Variants in ADAMTS17 observed in about 807,000 individuals in gnomAD.
ADAMTS17 encodes the protein ADAM metallopeptidase with thrombospondin type 1 motif 17, also known as A disintegrin and metalloproteinase with thrombospondin motifs 17.
Under a neutral mutation model 141.5 loss-of-function variants are expected in ADAMTS17, and 113 were observed. That is an observed-to-expected ratio of 0.80 (90% CI 0.69 to 0.93). The LOEUF (loss-of-function observed/expected upper bound fraction) is 0.93. ADAMTS17 is among the 40% of genes least tolerant of loss of function. The pLI, the probability that ADAMTS17 is intolerant of heterozygous loss-of-function variation, is 0.00. For synonymous variants in ADAMTS17, 768 were observed against 630.6 expected, an observed-to-expected ratio of 1.22 and a Z score of -3.27; for missense variants, 1,659 against 1,517.9, an observed-to-expected ratio of 1.09 and a Z score of -1.54.
chr15:100,107,207 T>C (rs1235570609), intron 14 of ADAMTS17, among the ~76,000 whole-genome samples: 1 of 152,180 alleles, frequency 6.6e-6, no homozygotes, highest in East Asian at 1.9e-4. Flanking sequence ...TCTTGTTCTG[T>C]TTGTCACGCA....
intron 4 of ADAMTS17, 109 bp downstream of exon 4, chr15:100,281,120 A>T: frequency 1.3e-6 from 2 of 1,481,622 alleles, no homozygotes; most frequent in Non-Finnish European, 9.2e-7. Flanking sequence ...CGTATCCCCA[A>T]CCCAGCGTCT....
intron 7 of ADAMTS17, among the ~76,000 whole-genome samples, chr15:100,227,029 G>A (rs2042331889): frequency 6.6e-6 from 1 of 152,166 alleles, no homozygotes; most frequent in Non-Finnish European, 1.5e-5. Flanking sequence ...AAGAAAAGCA[G>A]TAGCTGTTCC....
intron 3 of ADAMTS17, among the ~76,000 whole-genome samples, chr15:100,326,849 A>G (rs2045915685): frequency 6.6e-6 from 1 of 152,210 alleles, no homozygotes; most frequent in Non-Finnish European, 1.5e-5. Flanking sequence ...TGGTCACCCT[A>G]AGCGGAGCCA....
At chr15:100,210,187 T>A (rs1447116635) in intron 7 of ADAMTS17, among the ~76,000 whole-genome samples, 1 of 124,400 alleles carries the variant, frequency 8.0e-6, no homozygotes. Flanking sequence ...GCCGAGATCG[T>A]GCCACTGCAC....
chr15:100,170,960 G>A (rs1019966484), intron 8 of ADAMTS17, among the ~76,000 whole-genome samples: 1 of 152,210 alleles, frequency 6.6e-6, no homozygotes, highest in South Asian at 2.1e-4. Flanking sequence ...GCTATCAAGG[G>A]TTGTGAGATG....
intron 18 of ADAMTS17, among the ~76,000 whole-genome samples, chr15:100,008,262 G>A (rs1315281397): frequency 6.6e-6 from 1 of 152,110 alleles, no homozygotes; most frequent in African/African-American, 2.4e-5. Context: ...GTGGGGGCCT[G>A]TGAGCCTCTG....
At chr15:100,094,099 A>G (rs1226394750) in intron 15 of ADAMTS17, among the ~76,000 whole-genome samples, 2 of 151,944 alleles carry the variant, frequency 1.3e-5, no homozygotes, top group Non-Finnish European at 2.9e-5. Flanking sequence ...AAAACAAAAA[A>G]CTGCTGTGTA....
Position 100,000,234 on chromosome 15 carries a change from A to G in ADAMTS17, c.2592-2645T>C, listed in dbSNP as rs59601746. ...CTCAGCACGAAGAGAATTGAGCTAAATTCTACACATTTCTCCTAGTTCATT... is the reference window on the plus strand; with the variant it reads ...CTCAGCACGAAGAGAATTGAGCTAAGTTCTACACATTTCTCCTAGTTCATT... On this transcript the variant is annotated intron_variant, in intron 18 of 21. Coordinates refer to ENST00000268070, the MANE Select transcript of ADAMTS17 (RefSeq NM_139057.4). Among the ~76,000 whole-genome samples, 1,487 of 152,284 alleles carry G rather than the reference A, an allele frequency of 9.8e-3. 30 individuals carry two copies. The highest frequency in any genetic ancestry group is 0.034 in the African/African-American group (1,419 of 41,568).
intron 12 of ADAMTS17, among the ~76,000 whole-genome samples, chr15:100,118,773 C>A (rs946444419): frequency 2.0e-5 from 3 of 152,134 alleles, no homozygotes; most frequent in African/African-American, 7.2e-5. Flanking sequence ...GGAGAAACAT[C>A]ACCCTGGCAA....
At chr15:100,109,268 C>A (rs75158695) in intron 13 of ADAMTS17, 152 bp from the exon 14 acceptor site, 2 of 1,018,164 alleles carry the variant, frequency 2.0e-6, no homozygotes, top group Non-Finnish European at 2.9e-6. Context: ...CTCCAGGAAG[C>A]GGAAAAAGAC....
At chr15:100,257,667 C>T (rs1300872805) in intron 6 of ADAMTS17, among the ~76,000 whole-genome samples, 1 of 152,262 alleles carries the variant, frequency 6.6e-6, no homozygotes, top group East Asian at 1.9e-4. Context: ...CCAGCATCCT[C>T]ATCCAGAACC....
intron 18 of ADAMTS17, among the ~76,000 whole-genome samples, chr15:100,035,288 G>T (rs1477745128): frequency 1.3e-5 from 2 of 152,184 alleles, no homozygotes; most frequent in Non-Finnish European, 2.9e-5. Context: ...GTCTCAAATG[G>T]TTTCTTAGAA....
At position 99,971,589 on chromosome 15, in the gene ADAMTS17, C is replaced by CATGGGTACAG. The variant is rs2060204724; in HGVS notation, c.*2803_*2812dup. 6.6e-6 allele frequency: 1 copy of CATGGGTACAG among 152,100 alleles called. No homozygotes were observed. Among genetic ancestry groups the CATGGGTACAG allele is most frequent in the South Asian group, 2.1e-4 (1 of 4,810 alleles). 9.4% of individuals were successfully genotyped at this position (152,100 alleles called of 1,614,324 possible). A position where few individuals can be genotyped will look rare whatever the true frequency, so the allele number is the denominator to read the frequency against. Reference sequence around the variant, plus strand: ...GCCCCAAAAAGTAAAACAAAAATTCCATGGGTACAGTATGTAATGCAAGTT... The same window carrying CATGGGTACAG: ...GCCCCAAAAAGTAAAACAAAAATTCCATGGGTACAGATGGGTACAGTATGTAATGCAAGTT... On this transcript the variant is annotated 3_prime_UTR_variant, in exon 22 of 22. Transcript: ENST00000268070.
chr15:100,274,395 T>C (rs2044011769), intron 4 of ADAMTS17, among the ~76,000 whole-genome samples: 1 of 152,238 alleles, frequency 6.6e-6, no homozygotes. Flanking sequence ...TTCTTATATA[T>C]TGGAACTTTT....
intron 7 of ADAMTS17, among the ~76,000 whole-genome samples, chr15:100,227,044 TG>T (rs1222253022): frequency 6.6e-6 from 1 of 152,174 alleles, no homozygotes; most frequent in African/African-American, 2.4e-5. Context: ...TGTTCCCACC[TG>T]GGCCTCTCCT....
intron 12 of ADAMTS17, chr15:100,129,242 A>G (rs1390849361): frequency 6.6e-6 from 1 of 152,282 alleles, no homozygotes; most frequent in African/African-American, 2.4e-5. Context: ...TGGAGCACCC[A>G]TGACAACCAC....
intron 18 of ADAMTS17, among the ~76,000 whole-genome samples, chr15:100,027,080 A>G (rs76211140): frequency 6.6e-6 from 1 of 152,206 alleles, no homozygotes; most frequent in East Asian, 1.9e-4. Flanking sequence ...GAACAGGGTG[A>G]ACAACAGTCG....
At chr15:100,290,307 G>A (rs779457385) in intron 3 of ADAMTS17, among the ~76,000 whole-genome samples, 1 of 152,072 alleles carries the variant, frequency 6.6e-6, no homozygotes, top group Admixed American at 6.5e-5. Context: ...CCAAGGACAC[G>A]CAAAATCTCT....
chr15:100,104,909 GATCTT>G (rs1291086609), intron 14 of ADAMTS17, among the ~76,000 whole-genome samples: 1 of 152,158 alleles, frequency 6.6e-6, no homozygotes, highest in Non-Finnish European at 1.5e-5. Context: ...TTGAATTTGT[GATCTT>G]ATTTAAGAAT....
Sources: gnomAD v4.1 joint callset for allele counts (sites outside exome capture counted in the v4.1 genomes callset) on GRCh38, gnomAD v4.1.1 for gene constraint, MANE v1.5 for transcripts, NCBI Gene and HGNC (gene_info 2026-07-23, HGNC 2026-07-21) for gene names.